Variants in SLC19A1 observed in about 807,000 individuals in gnomAD.
SLC19A1 encodes reduced folate transporter.
Under a neutral mutation model 35.3 loss-of-function variants are expected in SLC19A1, and 37 were observed. The ratio of observed to expected loss-of-function variants is 1.05; its 90% CI spans 0.81 to 1.38. SLC19A1 has a LOEUF of 1.38. SLC19A1 is among the 40% of genes most tolerant of loss of function. The pLI, the probability that SLC19A1 is intolerant of heterozygous loss-of-function variation, is 0.00. For synonymous variants in SLC19A1, 460 were observed against 398.5 expected, an observed-to-expected ratio of 1.15 and a Z score of -1.84; for missense variants, 831 against 826.9, an observed-to-expected ratio of 1.00 and a Z score of -0.06.
intron 3 of SLC19A1, chr21:45,506,290 C>T (rs1208811569): frequency 7.9e-6 from 3 of 380,390 alleles, no homozygotes; most frequent in East Asian, 6.4e-5. Context: ...CCTGACGGGA[C>T]GAGGCGGCAG....
chr21:45,529,514 A>T (rs999454189), intron 4 of SLC19A1, among the ~76,000 whole-genome samples: 34 of 152,318 alleles, frequency 2.2e-4, no homozygotes, highest in Admixed American at 2.2e-3. Flanking sequence ...CCCTGTGAGC[A>T]CACAGGGTCA....
intron 1 of SLC19A1, among the ~76,000 whole-genome samples, chr21:45,555,942 A>G (rs2078556939): frequency 6.6e-6 from 1 of 152,166 alleles, no homozygotes; most frequent in Non-Finnish European, 1.5e-5. Context: ...CACGGTGCGC[A>G]TGCAGCAAGG....
At chr21:45,553,649 C>T (rs1377965236) in intron 1 of SLC19A1, among the ~76,000 whole-genome samples, 1 of 61,490 alleles carries the variant, frequency 1.6e-5, no homozygotes, top group Non-Finnish European at 3.1e-5. Flanking sequence ...CTCCTAGTCC[C>T]CCCGCGCCCC....
chr21:45,541,033 G>C (rs2078288298), intron 1 of SLC19A1, among the ~76,000 whole-genome samples: 1 of 152,032 alleles, frequency 6.6e-6, no homozygotes, highest in African/African-American at 2.4e-5. Flanking sequence ...AAAAGAAGAA[G>C]AAGAAAGCAT....
downstream of SLC19A1, among the ~76,000 whole-genome samples, chr21:45,507,937 G>GGCCC (rs2037321364): frequency 6.6e-6 from 1 of 152,250 alleles, no homozygotes; most frequent in South Asian, 2.1e-4. Flanking sequence ...CAAAGTGCCA[G>GGCCC]ACACAAGAAT....
downstream of SLC19A1, chr21:45,507,661 G>C: frequency 2.8e-6 from 4 of 1,446,344 alleles, no homozygotes; most frequent in South Asian, 2.3e-5. Context: ...GCTGTCCCCT[G>C]TTTGAGGAAC....
At chr21:45,505,079 G>C (rs563486294) in intron 3 of SLC19A1, 2 of 1,583,794 alleles carry the variant, frequency 1.3e-6, no homozygotes, top group African/African-American at 2.7e-5. Context: ...AAGCTTGCCC[G>C]CCCCCAGTCC....
At position 45,515,239 on chromosome 21, in the gene SLC19A1, G is replaced by A; in HGVS notation, c.*419C>T. The A allele has an allele frequency of 6.6e-7, 1 of 1,504,290 alleles. No homozygotes were observed. The allele number at this position is 1,504,290 out of a possible 1,614,324, so 93.2% of individuals were successfully genotyped here. ...GCAATGTCACAGCTCAGCTACACCT[G>A]AGGGTCCCGGCTCCCACCCTGCCCT... On this transcript the variant is annotated 3_prime_UTR_variant, in exon 6 of 6. Transcript: ENST00000311124.
intron 1 of SLC19A1, among the ~76,000 whole-genome samples, chr21:45,538,453 TA>T (rs2078204940): frequency 6.6e-6 from 1 of 152,184 alleles, no homozygotes; most frequent in South Asian, 2.1e-4. Flanking sequence ...GCTGCTGCTC[TA>T]GCGGCACCCA....
At chr21:45,561,036 C>T (rs958754534) in intron 1 of SLC19A1, among the ~76,000 whole-genome samples, 11 of 152,206 alleles carry the variant, frequency 7.2e-5, no homozygotes, top group African/African-American at 1.9e-4. Flanking sequence ...AAGGAAAGAA[C>T]GAGAATAAAC....
At chr21:45,509,670 A>G (rs1209795107), downstream of SLC19A1, 3 of 876,518 alleles carry the variant, frequency 3.4e-6, no homozygotes, top group Non-Finnish European at 5.5e-6. Context: ...AAGAGGGCCC[A>G]GCCCCTGCAG....
intron 1 of SLC19A1, among the ~76,000 whole-genome samples, chr21:45,556,352 C>T (rs1042965413): frequency 5.3e-5 from 8 of 152,326 alleles, no homozygotes; most frequent in East Asian, 1.9e-4. Flanking sequence ...CTGTGAGGGC[C>T]GAGGGTGGAC....
chr21:45,510,366 T>A (rs746331987), downstream of SLC19A1: 327 of 1,280,090 alleles, frequency 2.6e-4, no homozygotes, highest in Non-Finnish European at 3.4e-4. Context: ...GAGGCCACCA[T>A]GTTACAGACA....
intron 3 of SLC19A1, chr21:45,507,262 G>A: frequency 1.0e-5 from 5 of 490,896 alleles, no homozygotes; most frequent in Non-Finnish European, 1.9e-5. Flanking sequence ...TGGGCAGGGA[G>A]GGCAACCTGC....
Position 45,531,847 on chromosome 21 carries a change from A to G in SLC19A1, c.491T>C (p.Val164Ala). The G allele has an allele frequency of 6.3e-7, 1 of 1,586,112 alleles. No homozygotes were observed. The highest frequency in any genetic ancestry group is 8.6e-7 in the Non-Finnish European group (1 of 1,166,900). The change falls in exon 3 of 6, where the codon GTG (valine) becomes GCG (alanine). Residue 164 changes from valine (V) to alanine (A), a missense_variant. Val to Ala is a moderately conservative substitution (Grantham distance 64, BLOSUM62 0). Transcript: ENST00000311124. ...CTGGCCCAGCACGGAGCTGGTGAAC[A>G]CGCCCAGCAGCACCGCAGCGCGCGA... ...GYSRAAVLLG[V>A]FTSSVLGQLL...
At position 45,534,209 on chromosome 21, in the gene SLC19A1, G is replaced by A. The variant is rs1460375840; in HGVS notation, c.190-2061C>T. Among the ~76,000 whole-genome samples the A allele has an allele frequency of 1.3e-5, 2 of 152,210 alleles. No individual in the cohort carries two copies. Among genetic ancestry groups the A allele is most frequent in the East Asian group, 3.9e-4 (2 of 5,192 alleles). On this transcript the variant is annotated intron_variant, in intron 2 of 5. Transcript: ENST00000311124. The surrounding 1 kb of genome is among the most constrained non-coding windows in gnomAD (Gnocchi z 4.2). Reference sequence around the variant, plus strand: ...TGCACTGTGTTTACAGCAATGTCCTGGGGACATCAAACAGCCCCTCTGTGG... The same window carrying A: ...TGCACTGTGTTTACAGCAATGTCCTAGGGACATCAAACAGCCCCTCTGTGG...
rs1432085635 is a variant in SLC19A1 at position 45,521,498 on chromosome 21, T to C, written c.1293+4319A>G. 2.6e-5 allele frequency among the ~76,000 whole-genome samples: 4 copies of C among 152,356 alleles called. No individual in the cohort carries two copies. In the East Asian group the frequency reaches 7.7e-4, roughly 29 times the overall value. On this transcript the variant is annotated intron_variant, in intron 5 of 5. Transcript: ENST00000311124. Reference sequence around the variant, plus strand: ...CTAACAAAATCTGAGCAGGAATTTTTGTAGATATAGACAAGATTACTCTAA... The same window carrying C: ...CTAACAAAATCTGAGCAGGAATTTTCGTAGATATAGACAAGATTACTCTAA...
At chr21:45,554,663 C>G (rs1331004349) in intron 1 of SLC19A1, among the ~76,000 whole-genome samples, 2 of 147,992 alleles carry the variant, frequency 1.4e-5, no homozygotes, top group Admixed American at 6.7e-5. Flanking sequence ...GGCCGGCGAT[C>G]CTTCCTGTGT....
At chr21:45,503,218 C>T (rs1356838685) in intron 3 of SLC19A1, among the ~76,000 whole-genome samples, 3 of 152,188 alleles carry the variant, frequency 2.0e-5, no homozygotes, top group Admixed American at 6.5e-5. Context: ...TTCTCTACAT[C>T]CTCTCCGGCA....
Sources: allele counts gnomAD v4.1 joint callset (sites outside exome capture counted in the v4.1 genomes callset), GRCh38; gene constraint gnomAD v4.1.1; non-coding constraint Gnocchi (gnomAD v3.1); transcripts MANE v1.5; gene names NCBI Gene and HGNC (gene_info 2026-07-23, HGNC 2026-07-21).